Variants in LMF1 observed in about 807,000 individuals in gnomAD.
The protein encoded by LMF1 is transmembrane protein 112.
A neutral mutation model predicts 60.6 loss-of-function variants in LMF1; 68 were observed. That is an observed-to-expected ratio of 1.12 (90% CI 0.92 to 1.37). The LOEUF is 1.37. Among genes scored for constraint, LMF1 ranks in the 40% most tolerant of loss-of-function variants. LMF1 has a pLI of 0.00. For synonymous variants in LMF1, 418 were observed against 324.7 expected, an observed-to-expected ratio of 1.29 and a Z score of -3.09; for missense variants, 948 against 767.2, an observed-to-expected ratio of 1.24 and a Z score of -2.78.
chr16:933,981 G>A, intron 3 of LMF1: 2 of 1,455,186 alleles, frequency 1.4e-6, no homozygotes, highest in Non-Finnish European at 9.1e-7. Flanking sequence ...GGAAGCGGTG[G>A]TAATCACACC....
intron 3 of LMF1, among the ~76,000 whole-genome samples, chr16:915,245 T>A (rs571766835): frequency 1.6e-4 from 25 of 151,852 alleles, no homozygotes; most frequent in African/African-American, 5.8e-4. Context: ...GTGTGAGGCA[T>A]GGGTATGGAT....
At chr16:889,795 T>A (rs12923607) in intron 5 of LMF1, among the ~76,000 whole-genome samples, 55,165 of 152,036 alleles carry the variant, frequency 0.36, 12,225 homozygotes, top group African/African-American at 0.61. Context: ...GGGCTCGCAG[T>A]TGACACCCTG....
chr16:978,730 G>A (rs1379957025), intron 1 of LMF1, among the ~76,000 whole-genome samples: 2 of 152,152 alleles, frequency 1.3e-5, no homozygotes, highest in Admixed American at 6.5e-5. Context: ...CCAGCTGAAG[G>A]GGTGGGGCAG....
chr16:870,135 G>T (rs977403468), intron 8 of LMF1, 69 bp from the exon 9 acceptor site: 11 of 1,519,282 alleles, frequency 7.2e-6, no homozygotes, highest in Non-Finnish European at 9.7e-6. Context: ...TGCATGGGTG[G>T]GGGGGGTTCC....
At chr16:889,365 C>CGTGGGTGTG (rs1567188673) in intron 5 of LMF1, among the ~76,000 whole-genome samples, 2 of 145,578 alleles carry the variant, frequency 1.4e-5, no homozygotes, top group African/African-American at 2.6e-5. Context: ...TGCGGATGGC[C>CGTGGGTGTG]ATGGGTGTGA....
upstream of LMF1, among the ~76,000 whole-genome samples, chr16:973,364 T>TA (rs1315530954): frequency 1.3e-5 from 2 of 151,902 alleles, no homozygotes; most frequent in East Asian, 3.9e-4. Flanking sequence ...AAACATAAAA[T>TA]AAAAAGGAAT....
intron 1 of LMF1, chr16:978,881 C>T (rs1351445848): frequency 2.4e-6 from 1 of 422,244 alleles, no homozygotes; most frequent in African/African-American, 2.0e-5. Flanking sequence ...ATCAGACACT[C>T]TGCTCTAGCT....
chr16:939,327 C>A lies in LMF1; in HGVS notation c.504-5073G>T, dbSNP rs77869490. Among the ~76,000 whole-genome samples the A allele has an allele frequency of 3.9e-3, 592 of 152,340 alleles. 4 individuals carry two copies. The highest frequency in any genetic ancestry group is 0.013 in the African/African-American group (558 of 41,570). ...CACCACGCACACCCTGACCCAGCAG[C>A]CCACCTCAGGAGCTAGTTCACACAG... On this transcript the variant is annotated intron_variant, in intron 2 of 10. Coordinates refer to ENST00000262301, the MANE Select transcript of LMF1 (RefSeq NM_022773.4).
At chr16:971,867 A>G (rs1174894491), upstream of LMF1, among the ~76,000 whole-genome samples, 1 of 152,132 alleles carries the variant, frequency 6.6e-6, no homozygotes, top group African/African-American at 2.4e-5. Flanking sequence ...CTCCTTATTC[A>G]TTTGTCAGCA....
intron 3 of LMF1, among the ~76,000 whole-genome samples, chr16:929,415 T>C (rs1466536395): frequency 2.6e-5 from 4 of 152,196 alleles, no homozygotes; most frequent in African/African-American, 9.6e-5. Flanking sequence ...AGGCCCACAC[T>C]TGGGGGACGG....
At chr16:894,441 C>T (rs916956433) in intron 4 of LMF1, among the ~76,000 whole-genome samples, 2 of 148,914 alleles carry the variant, frequency 1.3e-5, no homozygotes, top group African/African-American at 5.0e-5. Flanking sequence ...TCCACCTGGC[C>T]GTCCGCCCAC....
At chr16:864,953 C>T (rs955401852) in intron 10 of LMF1, among the ~76,000 whole-genome samples, 1 of 152,094 alleles carries the variant, frequency 6.6e-6, no homozygotes, top group Non-Finnish European at 1.5e-5. Context: ...TTATTTAGAC[C>T]ATTTACATTG....
intron 4 of LMF1, among the ~76,000 whole-genome samples, chr16:894,870 C>G (rs577431937): frequency 6.6e-6 from 1 of 152,328 alleles, no homozygotes; most frequent in East Asian, 1.9e-4. Context: ...GGTTTCCACA[C>G]GAAATGGAAT....
chr16:944,230 C>T (rs113860397), intron 2 of LMF1, among the ~76,000 whole-genome samples: 9,833 of 151,812 alleles, frequency 0.065, 378 homozygotes, highest in Non-Finnish European at 0.089. Flanking sequence ...CCACTAAGGT[C>T]ACCACTCCCT....
chr16:965,053 A>AT (rs2072896991), intron 1 of LMF1, among the ~76,000 whole-genome samples: 1 of 152,218 alleles, frequency 6.6e-6, no homozygotes, highest in Admixed American at 6.5e-5. Flanking sequence ...CAGGACTCCA[A>AT]TGTGACAATG....
intron 3 of LMF1, among the ~76,000 whole-genome samples, chr16:913,507 G>A (rs1245076905): frequency 6.6e-6 from 1 of 152,238 alleles, no homozygotes; most frequent in African/African-American, 2.4e-5. Flanking sequence ...GCTCATTGCC[G>A]GCTGGATGCC....
chr16:900,706 TGTGTGTGTGTGTGTGTGTGTGTG>T (rs2070786292), intron 4 of LMF1: 1 of 150,274 alleles, frequency 6.7e-6, no homozygotes, highest in Admixed American at 6.6e-5. Context: ...TGTGTGTGTG[TGTGTGTGTGTGTGTGTGTGTGTG>T]TGTTTTAGTA....
Position 947,683 on chromosome 16 carries a change from G to A in LMF1, c.503+6674C>T, listed in dbSNP as rs181627758. On this transcript the variant is annotated intron_variant, in intron 2 of 10. Coordinates refer to ENST00000262301, the MANE Select transcript of LMF1 (RefSeq NM_022773.4). ...GTCGAGACAGTGGGGAAGGGATGGCGGTGCTGCCGTGCTGAAGAGCAGCAA... is the reference window on the plus strand; with the variant it reads ...GTCGAGACAGTGGGGAAGGGATGGCAGTGCTGCCGTGCTGAAGAGCAGCAA... The A allele has an allele frequency of 2.1e-4, 90 of 431,760 alleles. No homozygotes were observed. The East Asian group carries it at 3.9e-3, about 19-fold the overall frequency. The allele number at this position is 431,760 out of a possible 1,614,324, so 26.7% of individuals were successfully genotyped here.
intron 6 of LMF1, among the ~76,000 whole-genome samples, chr16:876,982 G>A (rs918256697): frequency 1.3e-5 from 2 of 152,184 alleles, no homozygotes; most frequent in East Asian, 1.9e-4. Flanking sequence ...AGAGAAAGAC[G>A]GCCACGCTGA....
Sources: gnomAD v4.1 joint callset for allele counts (sites outside exome capture counted in the v4.1 genomes callset) on GRCh38, gnomAD v4.1.1 for gene constraint, MANE v1.5 for transcripts, NCBI Gene and HGNC (gene_info 2026-07-23, HGNC 2026-07-21) for gene names.